The following GPR137B variants were observed in gnomAD, a reference collection of about 807,000 sequenced individuals.
GPR137B encodes integral membrane protein GPR137B.
GPR137B carries 42 observed loss-of-function variants against 42.5 expected under a neutral mutation model. The ratio of observed to expected loss-of-function variants is 0.99; its 90% CI spans 0.77 to 1.28. The LOEUF (loss-of-function observed/expected upper bound fraction) is 1.28. Among genes scored for constraint, GPR137B ranks in the 50% most tolerant of loss-of-function variants. The pLI is 0.00. For missense variants in GPR137B, 487 were observed against 493.9 expected (o/e 0.99, Z 0.13); for synonymous variants, 218 against 209.7 (o/e 1.04, Z -0.34).
chr1:236,154,299 G>A lies in GPR137B; in HGVS notation c.414+11263G>A, dbSNP rs545949524. On this transcript the variant is annotated intron_variant, in intron 1 of 6. Transcript: ENST00000366592. Reference sequence around the variant, plus strand: ...TGGTGCTGGGTAACTCCCACCCTGCGCCCTGGGGCTGTGAACAGCACGCGT... The same window carrying A: ...TGGTGCTGGGTAACTCCCACCCTGCACCCTGGGGCTGTGAACAGCACGCGT... 2.4e-4 allele frequency among the ~76,000 whole-genome samples: 37 copies of A among 152,188 alleles called. 1 individual carries two copies. The East Asian group carries it at 6.8e-3, about 28-fold the overall frequency.
chr1:236,156,607 C>T lies in GPR137B; in HGVS notation c.415-12099C>T, dbSNP rs561532371. ...GAGCCTCAAATGCAGATCCCCTCCC[C>T]GCCGCAGAGCCGCCTTGTGTGTCTT... is the stretch of plus-strand genomic sequence containing the variant. On this transcript the variant is annotated intron_variant, in intron 1 of 6. Transcript: ENST00000366592. The surrounding 1 kb of genome is among the most constrained non-coding windows in gnomAD (Gnocchi z 4.8). Among the ~76,000 whole-genome samples, 29 of 152,334 alleles carry T rather than the reference C, an allele frequency of 1.9e-4. No homozygotes were observed. The highest frequency in any genetic ancestry group is 6.3e-4 in the African/African-American group (26 of 41,576).
At position 236,205,209 on chromosome 1, in the gene GPR137B, T is replaced by C. The variant is rs746483606; in HGVS notation, c.1050T>C (p.Asp350=). 1 of 1,613,494 alleles carries C rather than the reference T, an allele frequency of 6.2e-7. No homozygotes were observed. The highest frequency in any genetic ancestry group is 8.5e-7 in the Non-Finnish European group (1 of 1,179,428). Residue 350 remains aspartate (D), a synonymous_variant, in exon 6 of 7, where the codon GAT becomes GAC. Transcript: ENST00000366592. ...ACCCTCGAAGATATGACAGTGATGA[T>C]GACCTTGCCTGGAACATTGCCCCTC... The part of the protein sequence containing the change: ...FDNPRRYDSD[D]DLAWNIAPQG...
chr1:236,178,615 C>T lies in GPR137B; in HGVS notation c.666C>T (p.Ala222=). The T allele has an allele frequency of 6.2e-7, 1 of 1,607,514 alleles. No homozygotes were observed. The highest frequency in any genetic ancestry group is 8.5e-7 in the Non-Finnish European group (1 of 1,175,514). ...CLYKISKMSL[A]NIYLESKGSS... is the part of the protein sequence containing the mutation. ...ACAAAATCTCTAAGATGTCCTTAGC[C>T]AACATTTACTTGGAGTCCAAGGTAG... The change falls in exon 3 of 7, where the codon GCC becomes GCT. Residue 222 remains alanine (A), a synonymous_variant. Transcript: ENST00000366592.
chr1:236,208,629 T>C lies in GPR137B; in HGVS notation c.*471T>C. 1.0e-6 allele frequency: 1 copy of C among 985,770 alleles called. No homozygotes were observed. The highest frequency in any genetic ancestry group is 6.1e-5 in the Admixed American group (1 of 16,326). The allele number at this position is 985,770 out of a possible 1,614,324, so 61.1% of individuals were successfully genotyped here. Reference sequence around the variant, plus strand: ...CACTGATGGTCACTCCGATTCTGAGTGCCACATTGGTAGACTCCTAAAATA... The same window carrying C: ...CACTGATGGTCACTCCGATTCTGAGCGCCACATTGGTAGACTCCTAAAATA... On this transcript the variant is annotated 3_prime_UTR_variant, in exon 7 of 7. Coordinates refer to ENST00000366592, the MANE Select transcript of GPR137B (RefSeq NM_003272.4).
At chr1:236,180,337 A>G (rs180670629) in intron 4 of GPR137B, 65 of 267,700 alleles carry the variant, frequency 2.4e-4, no homozygotes, top group Admixed American at 8.6e-4. Flanking sequence ...TGGATGGTTG[A>G]GTCTGCAGAT....
chr1:236,205,180 G>C lies in GPR137B; in HGVS notation c.1021G>C (p.Asp341His), dbSNP rs201754513. 3 of 1,613,026 alleles carry C rather than the reference G, an allele frequency of 1.9e-6. No homozygotes were observed. The highest frequency in any genetic ancestry group is 2.5e-6 in the Non-Finnish European group (3 of 1,179,208). ...ATTCAGTCCCAGATCTTATTTCTTT[G>C]ACAACCCTCGAAGATATGACAGTGA... ...HGFSPRSYFF[D>H]NPRRYDSDDD... Residue 341 changes from aspartate to histidine, a missense_variant, in exon 6 of 7, where the codon GAC (aspartate) becomes CAC (histidine). Transcript: ENST00000366592.
In GPR137B at chr1:236,208,676, G is replaced by T; in HGVS notation, c.*518G>T. 1 of 985,414 alleles carries T rather than the reference G, an allele frequency of 1.0e-6. No homozygotes were observed. The highest frequency in any genetic ancestry group is 1.2e-6 in the Non-Finnish European group (1 of 829,656). 61.0% of individuals were successfully genotyped at this position (985,414 alleles called of 1,614,324 possible). A position where few individuals can be genotyped will look rare whatever the true frequency, so the allele number is the denominator to read the frequency against. ...AATACAGTTGACAACTTAGCCAATTGCAACTCCAGTGTTGATAATTAAAAT... is the reference window on the plus strand; with the variant it reads ...AATACAGTTGACAACTTAGCCAATTTCAACTCCAGTGTTGATAATTAAAAT... On this transcript the variant is annotated 3_prime_UTR_variant, in exon 7 of 7. Coordinates refer to ENST00000366592, the MANE Select transcript of GPR137B (RefSeq NM_003272.4).
intron 5 of GPR137B, among the ~76,000 whole-genome samples, chr1:236,195,912 T>C (rs1663319278): frequency 6.6e-6 from 1 of 152,244 alleles, no homozygotes; most frequent in Non-Finnish European, 1.5e-5. Flanking sequence ...GAGAAATGTC[T>C]GTTCAAATCT....
At chr1:236,166,406 C>T (rs957988385) in intron 1 of GPR137B, among the ~76,000 whole-genome samples, 2 of 145,766 alleles carry the variant, frequency 1.4e-5, no homozygotes, top group Non-Finnish European at 3.0e-5. Context: ...AAAGAAGGGT[C>T]ACTGTACTGA....
intron 4 of GPR137B, among the ~76,000 whole-genome samples, chr1:236,182,173 C>G (rs10924548): frequency 0.076 from 11,593 of 152,100 alleles, 1,314 homozygotes; most frequent in African/African-American, 0.25. Flanking sequence ...TTATAGGCGT[C>G]AGCCACCGTT....
At chr1:236,166,723 G>A (rs1337988177) in intron 1 of GPR137B, among the ~76,000 whole-genome samples, 2 of 151,968 alleles carry the variant, frequency 1.3e-5, no homozygotes, top group Non-Finnish European at 2.9e-5. Flanking sequence ...AGTGGCTAAC[G>A]CCTGTAATCC....
At chr1:236,207,224 T>C in intron 6 of GPR137B, 2 of 985,278 alleles carry the variant, frequency 2.0e-6, no homozygotes, top group Non-Finnish European at 2.4e-6. Context: ...TAAAAGATTG[T>C]CGCTGAGAAA....
At chr1:236,187,802 C>T (rs10924653) in intron 5 of GPR137B, among the ~76,000 whole-genome samples, 50,107 of 151,402 alleles carry the variant, frequency 0.33, 8,908 homozygotes, top group East Asian at 0.61. Context: ...AGGATTGTCT[C>T]GGCTATGTGG....
At chr1:236,154,893 T>G (rs898129305) in intron 1 of GPR137B, among the ~76,000 whole-genome samples, 3 of 152,090 alleles carry the variant, frequency 2.0e-5, no homozygotes, top group Non-Finnish European at 4.4e-5. Flanking sequence ...GAGAAATGCA[T>G]CCTCTGTGCT....
Position 236,150,400 on chromosome 1 carries a change from C to T in GPR137B, c.414+7364C>T, listed in dbSNP as rs536596897. Among the ~76,000 whole-genome samples, 26 of 152,232 alleles carry T rather than the reference C, an allele frequency of 1.7e-4. No individual in the cohort carries two copies. Among genetic ancestry groups the T allele is most frequent in the African/African-American group, 5.3e-4 (22 of 41,540 alleles). On this transcript the variant is annotated intron_variant, in intron 1 of 6. Transcript: ENST00000366592. This position sits in a 1 kb window ranked among gnomAD's most constrained non-coding sequence, Gnocchi z 6.2. ...TCTGCCGTTCACCCCCAGCACCTCC[C>T]GCAGGCCACTTTCTAAACATACAGC...
intron 5 of GPR137B, among the ~76,000 whole-genome samples, chr1:236,189,177 A>C (rs1418208744): frequency 6.6e-6 from 1 of 152,010 alleles, no homozygotes; most frequent in Non-Finnish European, 1.5e-5. Flanking sequence ...CCCCTTTATC[A>C]TTTTTTATTG....
At position 236,148,524 on chromosome 1, in the gene GPR137B, A is replaced by G. The variant is rs564114428; in HGVS notation, c.414+5488A>G. On this transcript the variant is annotated intron_variant, in intron 1 of 6. Transcript: ENST00000366592. The stretch of plus-strand genomic sequence containing the variant: ...GGAAATGGAGAAGCGAGTTCTCTCC[A>G]TGGGGAGAGGTGCTGTGATGAATGG... 1.1e-4 allele frequency among the ~76,000 whole-genome samples: 16 copies of G among 152,322 alleles called. No homozygotes were observed. The South Asian group carries it at 1.7e-3, about 16-fold the overall frequency.
In GPR137B at chr1:236,176,292, AG is replaced by A. The variant is rs1445981676; in HGVS notation, c.465-2121del. Among the ~76,000 whole-genome samples the A allele has an allele frequency of 2.6e-5, 4 of 152,048 alleles. No individual in the cohort carries two copies. In the East Asian group the frequency reaches 7.7e-4, roughly 29 times the overall value. ...CATGACACATGAGGTCGAATCCCTA[AG>A]ACTTCACAGCGCTCTCCATCATCAC... is the stretch of plus-strand genomic sequence containing the variant. On this transcript the variant is annotated intron_variant, in intron 2 of 6. Transcript: ENST00000366592.
intron 5 of GPR137B, among the ~76,000 whole-genome samples, chr1:236,191,639 G>T (rs1421599488): frequency 1.3e-5 from 2 of 152,154 alleles, no homozygotes; most frequent in African/African-American, 2.4e-5. Flanking sequence ...TGTTTGCCTG[G>T]GTATCACCAG....
Sources: allele counts gnomAD v4.1 joint callset (sites outside exome capture counted in the v4.1 genomes callset), GRCh38; gene constraint gnomAD v4.1.1; non-coding constraint Gnocchi (gnomAD v3.1); transcripts MANE v1.5; gene names NCBI Gene and HGNC (gene_info 2026-07-23, HGNC 2026-07-21).